The following FAM222B variants were observed in gnomAD, a reference collection of about 807,000 sequenced individuals.
The protein encoded by FAM222B is protein FAM222B.
A neutral mutation model predicts 38.0 loss-of-function variants in FAM222B; 12 were observed. The ratio of observed to expected loss-of-function variants is 0.32; its 90% CI spans 0.20 to 0.51. The LOEUF (loss-of-function observed/expected upper bound fraction) is 0.51, where lower values mean the gene tolerates loss of function less well. FAM222B is among the 20% of genes least tolerant of loss of function. FAM222B has a pLI of 0.97. For missense variants in FAM222B, 716 were observed against 754.2 expected, an observed-to-expected ratio of 0.95 and a Z score of 0.59; for synonymous variants, 329 against 317.2, an observed-to-expected ratio of 1.04 and a Z score of -0.40.
upstream of FAM222B, among the ~76,000 whole-genome samples, chr17:28,844,589 C>T (rs1483113526): frequency 1.3e-5 from 2 of 151,850 alleles, no homozygotes; most frequent in Admixed American, 1.3e-4. Flanking sequence ...ACCCGGGAGG[C>T]GGAGCTTGCA....
chr17:28,811,894 C>T (rs374326431), intron 1 of FAM222B, among the ~76,000 whole-genome samples: 1 of 152,082 alleles, frequency 6.6e-6, no homozygotes, highest in East Asian at 1.9e-4. Context: ...CCACTCCTAG[C>T]TTGCCTTTTC....
chr17:28,797,897 C>CA (rs34116817), intron 1 of FAM222B, among the ~76,000 whole-genome samples: 28,438 of 148,212 alleles, frequency 0.19, 2,789 homozygotes, highest in South Asian at 0.3. Context: ...CCCATCTCTA[C>CA]AAAAAAAAAA....
rs1317476206 is a variant in FAM222B, at chr17:28,759,293, G to A, written c.666C>T (p.Pro222=). The part of the protein sequence containing the change: ...QALAHQGLQH[P]HNPLLHGGRK... ...GGCCTCCATGCAGCAAGGGATTGTGGGGGTGCTGGAGACCCTGGTGAGCCA... is the reference window on the plus strand; with the variant it reads ...GGCCTCCATGCAGCAAGGGATTGTGAGGGTGCTGGAGACCCTGGTGAGCCA... The change falls in exon 3 of 3, where the codon CCC becomes CCT. Residue 222 remains proline, a synonymous_variant. Coordinates refer to ENST00000581407, the MANE Select transcript of FAM222B (RefSeq NM_001077498.3). This position sits in a 1 kb window ranked among gnomAD's most constrained non-coding sequence, Gnocchi z 4.8. 1 of 1,612,580 alleles carries A rather than the reference G, an allele frequency of 6.2e-7. No homozygotes were observed. The highest frequency in any genetic ancestry group is 8.5e-7 in the Non-Finnish European group (1 of 1,179,462).
At chr17:28,785,800 C>T (rs563772863) in intron 1 of FAM222B, among the ~76,000 whole-genome samples, 3 of 152,218 alleles carry the variant, frequency 2.0e-5, no homozygotes, top group African/African-American at 7.2e-5. Flanking sequence ...CTCCATCTCC[C>T]AGGTTCAAAC....
intron 1 of FAM222B, among the ~76,000 whole-genome samples, chr17:28,768,957 A>G (rs990785113): frequency 6.6e-6 from 1 of 151,970 alleles, no homozygotes; most frequent in African/African-American, 2.4e-5. Flanking sequence ...GGAAAGGAAG[A>G]GAATTAACAA....
intron 1 of FAM222B, among the ~76,000 whole-genome samples, chr17:28,832,283 A>G (rs1246248185): frequency 6.6e-6 from 1 of 152,238 alleles, no homozygotes; most frequent in Admixed American, 6.5e-5. Flanking sequence ...TCAAGATTCT[A>G]AAGTTTTACT....
intron 1 of FAM222B, among the ~76,000 whole-genome samples, chr17:28,828,903 ACTT>A (rs1198047103): frequency 1.3e-5 from 2 of 148,430 alleles, no homozygotes; most frequent in Non-Finnish European, 3.0e-5. Context: ...TCAACTCTCT[ACTT>A]TTTTTTTTTT....
At chr17:28,787,388 C>G (rs1265715080) in intron 1 of FAM222B, among the ~76,000 whole-genome samples, 1 of 152,174 alleles carries the variant, frequency 6.6e-6, no homozygotes, top group African/African-American at 2.4e-5. Context: ...ATGAGGAATC[C>G]TGATATGTAA....
At chr17:28,845,822 G>T (rs1455517354), upstream of FAM222B, among the ~76,000 whole-genome samples, 2 of 151,582 alleles carry the variant, frequency 1.3e-5, no homozygotes, top group African/African-American at 4.9e-5. Flanking sequence ...TTGAACCCGG[G>T]AGGTGGAGGT....
rs746142410 is a variant in FAM222B at position 28,758,825 on chromosome 17, G to A, written c.1134C>T (p.Ser378=). The A allele has an allele frequency of 1.1e-5, 17 of 1,592,618 alleles. No homozygotes were observed. The highest frequency in any genetic ancestry group is 1.6e-4 in the Middle Eastern group (1 of 6,062). ...HQLAHLQQMC[S]EASGTPAPGL... is the part of the protein sequence containing the mutation. ...CAGGGGCTGGCGTCCCACTAGCCTC[G>A]CTGCACATCTGCTGTAGGTGGGCCA... The change falls in exon 3 of 3, where the codon AGC becomes AGT. Residue 378 remains serine, a synonymous_variant. Coordinates refer to ENST00000581407, the MANE Select transcript of FAM222B (RefSeq NM_001077498.3).
chr17:28,765,334 AC>A (rs2035279424), intron 2 of FAM222B, among the ~76,000 whole-genome samples: 1 of 152,324 alleles, frequency 6.6e-6, no homozygotes, highest in Non-Finnish European at 1.5e-5. Flanking sequence ...TTTCACTGGA[AC>A]ACAGACACCC....
chr17:28,805,923 C>T (rs759837745), intron 1 of FAM222B, among the ~76,000 whole-genome samples: 1 of 152,114 alleles, frequency 6.6e-6, no homozygotes, highest in Non-Finnish European at 1.5e-5. Context: ...GGGCGTATCA[C>T]CTGAGGTCGG....
chr17:28,824,599 C>T (rs948385355), intron 1 of FAM222B, among the ~76,000 whole-genome samples: 5 of 152,250 alleles, frequency 3.3e-5, no homozygotes, highest in African/African-American at 4.8e-5. Flanking sequence ...TTCCTTATTA[C>T]CTCACTTCCA....
At chr17:28,838,323 G>C (rs1316085540) in intron 1 of FAM222B, among the ~76,000 whole-genome samples, 3 of 151,672 alleles carry the variant, frequency 2.0e-5, no homozygotes, top group Non-Finnish European at 4.4e-5. Flanking sequence ...GCTCACGCCT[G>C]TAATCCCAAC....
intron 1 of FAM222B, among the ~76,000 whole-genome samples, chr17:28,849,911 G>A (rs1225882074): frequency 6.6e-6 from 1 of 151,880 alleles, no homozygotes; most frequent in Non-Finnish European, 1.5e-5. Flanking sequence ...GAGAAACCCC[G>A]TCTCTACTAA....
intron 1 of FAM222B, among the ~76,000 whole-genome samples, chr17:28,842,027 A>G (rs1314423113): frequency 6.6e-6 from 1 of 152,226 alleles, no homozygotes; most frequent in Non-Finnish European, 1.5e-5. Flanking sequence ...ATACATTAAC[A>G]TCAACATAGT....
chr17:28,758,131 T>TCCCACCAAATTCCCTTTCTTAGAC lies in FAM222B; in HGVS notation c.*115_*138dup. ...AGGACCCCTTCTGTCCCCACTTAGATCCCACCAAATTCCCTTTCTTAGACA... is the reference window on the plus strand; with the variant it reads ...AGGACCCCTTCTGTCCCCACTTAGATCCCACCAAATTCCCTTTCTTAGACCCCACCAAATTCCCTTTCTTAGACA... On this transcript the variant is annotated 3_prime_UTR_variant, in exon 3 of 3. Transcript: ENST00000581407. The TCCCACCAAATTCCCTTTCTTAGAC allele has an allele frequency of 6.3e-6, 5 of 799,228 alleles. No individual in the cohort carries two copies. 49.5% of individuals were successfully genotyped at this position (799,228 alleles called of 1,614,324 possible). A position where few individuals can be genotyped will look rare whatever the true frequency, so the allele number is the denominator to read the frequency against.
chr17:28,827,423 G>A (rs2038484489), intron 1 of FAM222B, among the ~76,000 whole-genome samples: 1 of 152,106 alleles, frequency 6.6e-6, no homozygotes, highest in African/African-American at 2.4e-5. Context: ...CAATCCAGAT[G>A]AGGAAACAGA....
chr17:28,777,649 T>C (rs1337431448), intron 1 of FAM222B, among the ~76,000 whole-genome samples: 1 of 152,162 alleles, frequency 6.6e-6, no homozygotes, highest in Middle Eastern at 3.2e-3. Flanking sequence ...GGATAGCACA[T>C]ACTTTAATTC....
Sources: allele counts gnomAD v4.1 joint callset (sites outside exome capture counted in the v4.1 genomes callset), GRCh38; gene constraint gnomAD v4.1.1; non-coding constraint Gnocchi (gnomAD v3.1); transcripts MANE v1.5; gene names NCBI Gene and HGNC (gene_info 2026-07-23, HGNC 2026-07-21).